PRKD1: variants seen among roughly 807,000 people sequenced by gnomAD.
PRKD1 encodes the protein serine/threonine-protein kinase D1.
PRKD1 carries 63 observed loss-of-function variants against 95.9 expected under a neutral mutation model. The observed-to-expected ratio is 0.66, with a 90% CI of 0.54 to 0.81. PRKD1 has a LOEUF of 0.81. Ranked by LOEUF, PRKD1 falls within the 30% of genes least tolerant of loss-of-function variation. PRKD1 has a pLI of 0.00. For synonymous variants in PRKD1, 425 were observed against 423.1 expected, an observed-to-expected ratio of 1.00 and a Z score of -0.05; for missense variants, 1,048 against 1,165.3, an observed-to-expected ratio of 0.90 and a Z score of 1.47.
At position 29,888,332 on chromosome 14, in the gene PRKD1, GGAAA is replaced by G. The variant is rs1039574620; in HGVS notation, c.264+38913_264+38916del. ...AGGGAAAGAAAAGAAAGAAAAGAAA[GGAAA>G]GAAAGAAAGAGAAAATAAAGAAAAA... On this transcript the variant is annotated intron_variant, in intron 1 of 17. Coordinates refer to ENST00000331968, the MANE Select transcript of PRKD1 (RefSeq NM_002742.3). Among the ~76,000 whole-genome samples, 11 of 150,388 alleles carry G rather than the reference GGAAA, an allele frequency of 7.3e-5. No individual in the cohort carries two copies. In the East Asian group the frequency reaches 1.2e-3, roughly 16 times the overall value.
At chr14:29,758,376 A>T (rs147822394) in intron 1 of PRKD1, among the ~76,000 whole-genome samples, 9 of 152,296 alleles carry the variant, frequency 5.9e-5, no homozygotes, top group Non-Finnish European at 4.4e-5. Flanking sequence ...TTGACCCAGG[A>T]CACCCAAAAC....
intron 1 of PRKD1, among the ~76,000 whole-genome samples, chr14:29,735,504 G>A (rs45461395): frequency 1.7e-3 from 252 of 152,274 alleles, no homozygotes; most frequent in African/African-American, 5.9e-3. Context: ...GGGCTGGGGC[G>A]TGTATGAAAA....
In PRKD1 at chr14:29,927,301, T is replaced by C. The variant is rs757989634; in HGVS notation, c.212A>G (p.Asp71Gly). ...CTCGCGGACGTGCGCCAGGCTGTAGTCCCCGGACGAGTCCTGCAGCAGCAG... is the reference window on the plus strand; with the variant it reads ...CTCGCGGACGTGCGCCAGGCTGTAGCCCCCGGACGAGTCCTGCAGCAGCAG... ...PVLLLQDSSG[D>G]YSLAHVREMA... The change falls in exon 1 of 18, where the codon GAC (aspartate) becomes GGC (glycine). Residue 71 changes from aspartate (D) to glycine (G), a missense_variant. This residue lies in a region of PRKD1 where 275 missense variants were observed against 248.6 expected (regional missense o/e 1.11). Transcript: ENST00000331968. 2.3e-5 allele frequency: 36 copies of C among 1,546,764 alleles called. No homozygotes were observed. Among genetic ancestry groups the C allele is most frequent in the Non-Finnish European group, 3.1e-5 (36 of 1,148,290 alleles).
At position 29,790,600 on chromosome 14, in the gene PRKD1, C is replaced by T. The variant is rs371732850; in HGVS notation, c.265-64926G>A. On this transcript the variant is annotated intron_variant, in intron 1 of 17. Transcript: ENST00000331968. ...TATGCTAGTTTTTAATCTCATTGCT[C>T]ATATTTCTGTAAAGTTTTCTTCAAT... 1.3e-4 allele frequency among the ~76,000 whole-genome samples: 20 copies of T among 152,198 alleles called. No individual in the cohort carries two copies. In the South Asian group the frequency reaches 4.0e-3, roughly 30 times the overall value.
chr14:29,747,517 A>G (rs747269528), intron 1 of PRKD1, among the ~76,000 whole-genome samples: 23 of 152,182 alleles, frequency 1.5e-4, no homozygotes, highest in Non-Finnish European at 2.9e-5. Flanking sequence ...TAGCAGCACT[A>G]TTCACAATAG....
At chr14:29,915,687 A>G (rs1052889693) in intron 1 of PRKD1, among the ~76,000 whole-genome samples, 5 of 152,180 alleles carry the variant, frequency 3.3e-5, no homozygotes, top group Admixed American at 6.5e-5. Context: ...AGCCTTCTAG[A>G]CTAAGGAATA....
At chr14:29,839,874 G>A (rs1891761538) in intron 1 of PRKD1, among the ~76,000 whole-genome samples, 1 of 151,948 alleles carries the variant, frequency 6.6e-6, no homozygotes, top group Non-Finnish European at 1.5e-5. Flanking sequence ...AAGTCCCTAG[G>A]CTGCACACAG....
At chr14:29,837,465 A>G (rs954655218) in intron 1 of PRKD1, among the ~76,000 whole-genome samples, 3 of 152,192 alleles carry the variant, frequency 2.0e-5, no homozygotes, top group African/African-American at 4.8e-5. Context: ...TTACTATTTA[A>G]CACTATAAAA....
intron 13 of PRKD1, among the ~76,000 whole-genome samples, chr14:29,616,707 G>A (rs948700854): frequency 6.6e-6 from 1 of 152,198 alleles, no homozygotes; most frequent in Non-Finnish European, 1.5e-5. Context: ...TGGCAGGGCT[G>A]TGTGGCTTTC....
intron 1 of PRKD1, among the ~76,000 whole-genome samples, chr14:29,814,616 T>C (rs1890619848): frequency 6.6e-6 from 1 of 152,180 alleles, no homozygotes; most frequent in Non-Finnish European, 1.5e-5. Context: ...TTGATGCACT[T>C]TTTCAAAGGT....
chr14:29,849,471 A>C (rs4441176), intron 1 of PRKD1, among the ~76,000 whole-genome samples: 3 of 151,956 alleles, frequency 2.0e-5, no homozygotes, highest in Admixed American at 2.0e-4. Context: ...TAAATTCCTC[A>C]AAACAGACAC....
chr14:29,789,704 T>C (rs956440959), intron 1 of PRKD1, among the ~76,000 whole-genome samples: 1 of 152,112 alleles, frequency 6.6e-6, no homozygotes, highest in African/African-American at 2.4e-5. Context: ...TTTACACCCC[T>C]AGACACCATG....
intron 1 of PRKD1, among the ~76,000 whole-genome samples, chr14:29,770,770 C>A (rs1888464877): frequency 6.6e-6 from 1 of 151,720 alleles, no homozygotes; most frequent in African/African-American, 2.4e-5. Flanking sequence ...AGTTTAAGAC[C>A]ACCCTGCACA....
At chr14:29,732,270 TG>T (rs1474986829) in intron 1 of PRKD1, among the ~76,000 whole-genome samples, 3 of 152,328 alleles carry the variant, frequency 2.0e-5, no homozygotes, top group African/African-American at 4.8e-5. Context: ...TTGTTACATC[TG>T]TTTTTTTGTT....
intron 1 of PRKD1, among the ~76,000 whole-genome samples, chr14:29,888,941 G>C (rs1270840386): frequency 6.6e-6 from 1 of 152,138 alleles, no homozygotes; most frequent in African/African-American, 2.4e-5. Context: ...GCTCTTTATT[G>C]CATAAGCAGT....
chr14:29,890,621 CTTTTT>C (rs994483761), intron 1 of PRKD1, among the ~76,000 whole-genome samples: 1 of 152,002 alleles, frequency 6.6e-6, no homozygotes, highest in Non-Finnish European at 1.5e-5. Flanking sequence ...TGGCCTTTCT[CTTTTT>C]TTTCTTCAGT....
At chr14:29,875,576 AAG>A (rs1481547001) in intron 1 of PRKD1, among the ~76,000 whole-genome samples, 1 of 152,226 alleles carries the variant, frequency 6.6e-6, no homozygotes, top group Non-Finnish European at 1.5e-5. Context: ...AAAGAATTAT[AAG>A]AATTGTTATT....
chr14:29,727,562 G>A (rs1455990542), intron 1 of PRKD1, among the ~76,000 whole-genome samples: 2 of 150,458 alleles, frequency 1.3e-5, no homozygotes, highest in Non-Finnish European at 1.5e-5. Flanking sequence ...ATCTTGAATT[G>A]ATTTTTGTAT....
intron 1 of PRKD1, among the ~76,000 whole-genome samples, chr14:29,851,272 C>A (rs1047560630): frequency 3.9e-5 from 6 of 152,082 alleles, no homozygotes; most frequent in Non-Finnish European, 8.8e-5. Flanking sequence ...AATAAACAAT[C>A]AACATAGTAA....
Sources: allele counts gnomAD v4.1 joint callset (sites outside exome capture counted in the v4.1 genomes callset), GRCh38; gene constraint gnomAD v4.1.1; regional missense constraint gnomAD v4.1.1; transcripts MANE v1.5; gene names NCBI Gene and HGNC (gene_info 2026-07-23, HGNC 2026-07-21).